Variants in SNTG1 observed in about 807,000 individuals in gnomAD.
SNTG1 encodes the protein gamma-1-syntrophin.
Under a neutral mutation model 74.7 loss-of-function variants are expected in SNTG1, and 39 were observed. That is an observed-to-expected ratio of 0.52 (90% CI 0.40 to 0.68). SNTG1 has a LOEUF of 0.68. Among genes scored for constraint, SNTG1 ranks in the 30% least tolerant of loss-of-function variants. SNTG1 has a pLI of 0.00. For missense variants in SNTG1, 685 were observed against 609.5 expected (o/e 1.12, Z -1.30); for synonymous variants, 254 against 217.1 (o/e 1.17, Z -1.49).
intron 13 of SNTG1, among the ~76,000 whole-genome samples, chr8:50,591,192 T>A (rs2094689734): frequency 6.6e-6 from 1 of 152,078 alleles, no homozygotes; most frequent in Admixed American, 6.6e-5. Context: ...GAACTTAGAG[T>A]TTTATTTACA....
intron 15 of SNTG1, among the ~76,000 whole-genome samples, chr8:50,690,260 T>C (rs1033154252): frequency 1.6e-4 from 25 of 152,222 alleles, no homozygotes; most frequent in Non-Finnish European, 3.1e-4. Flanking sequence ...AGTTCTGCTC[T>C]GATCTTAGTT....
intron 2 of SNTG1, among the ~76,000 whole-genome samples, chr8:50,205,121 T>A (rs1300246816): frequency 6.6e-6 from 1 of 152,200 alleles, no homozygotes; most frequent in Non-Finnish European, 1.5e-5. Context: ...TATTTCTAGT[T>A]CTAGATCCTT....
At chr8:50,443,257 T>G (rs2131590455) in intron 5 of SNTG1, among the ~76,000 whole-genome samples, 1 of 152,322 alleles carries the variant, frequency 6.6e-6, no homozygotes, top group South Asian at 2.1e-4. Context: ...TATTAAATTA[T>G]ACTTCTGTTC....
intron 15 of SNTG1, among the ~76,000 whole-genome samples, chr8:50,671,056 A>C (rs2095279451): frequency 6.6e-6 from 1 of 151,564 alleles, no homozygotes; most frequent in Non-Finnish European, 1.5e-5. Flanking sequence ...GATGGATTAA[A>C]GACTTAAATG....
intron 1 of SNTG1, among the ~76,000 whole-genome samples, chr8:50,056,728 A>G (rs1820054209): frequency 6.6e-6 from 1 of 152,224 alleles, no homozygotes; most frequent in South Asian, 2.1e-4. Flanking sequence ...GCAAAGCACC[A>G]TCAGTGTTAG....
intron 4 of SNTG1, among the ~76,000 whole-genome samples, chr8:50,408,646 G>T (rs572410731): frequency 6.6e-6 from 1 of 152,276 alleles, no homozygotes; most frequent in African/African-American, 2.4e-5. Context: ...GAGGGAGAGG[G>T]CACAGAACTG....
chr8:50,051,831 T>A (rs1819601802), intron 1 of SNTG1, among the ~76,000 whole-genome samples: 1 of 152,222 alleles, frequency 6.6e-6, no homozygotes, highest in Non-Finnish European at 1.5e-5. Flanking sequence ...AGATTAGGAC[T>A]TCAACCTACT....
intron 1 of SNTG1, among the ~76,000 whole-genome samples, chr8:50,160,011 T>A (rs990197449): frequency 6.6e-6 from 1 of 152,196 alleles, no homozygotes; most frequent in African/African-American, 2.4e-5. Context: ...GGAGAAATTT[T>A]AATTCAGAAC....
chr8:50,530,282 C>G, intron 10 of SNTG1, 23 bp downstream of exon 10: 2 of 1,606,992 alleles, frequency 1.2e-6, no homozygotes, highest in Admixed American at 1.7e-5. Flanking sequence ...AGGCATAGCT[C>G]AGATTAATAA....
chr8:50,257,761 T>C (rs1474962574), intron 2 of SNTG1, among the ~76,000 whole-genome samples: 1 of 152,188 alleles, frequency 6.6e-6, no homozygotes, highest in Non-Finnish European at 1.5e-5. Context: ...CCCTCTTCAG[T>C]TAAGAGCAAG....
chr8:50,621,446 T>G (rs1284402448), intron 13 of SNTG1, among the ~76,000 whole-genome samples: 2 of 152,204 alleles, frequency 1.3e-5, no homozygotes, highest in Non-Finnish European at 2.9e-5. Context: ...TAATATTTTG[T>G]TCAGACAAAT....
intron 2 of SNTG1, among the ~76,000 whole-genome samples, chr8:50,316,747 T>A (rs888207313): frequency 2.6e-5 from 4 of 152,114 alleles, no homozygotes; most frequent in African/African-American, 7.2e-5. Context: ...TGTACATAGA[T>A]AATACAATGA....
At chr8:50,781,311 G>T (rs1418859383) in intron 18 of SNTG1, among the ~76,000 whole-genome samples, 3 of 152,228 alleles carry the variant, frequency 2.0e-5, no homozygotes, top group Non-Finnish European at 4.4e-5. Context: ...GGGTGTTAAA[G>T]TCTCCCATTA....
intron 1 of SNTG1, among the ~76,000 whole-genome samples, chr8:50,076,424 T>A (rs988353335): frequency 2.6e-5 from 4 of 152,184 alleles, no homozygotes; most frequent in Non-Finnish European, 4.4e-5. Context: ...ATGCAATGAA[T>A]TGGTCCAGAA....
At chr8:50,404,716 A>G (rs1241433189) in intron 4 of SNTG1, among the ~76,000 whole-genome samples, 5 of 151,988 alleles carry the variant, frequency 3.3e-5, no homozygotes, top group Non-Finnish European at 7.4e-5. Flanking sequence ...CATTTCGTGC[A>G]TTCATTTTGT....
chr8:50,014,352 C>T (rs1288095062), intron 1 of SNTG1, among the ~76,000 whole-genome samples: 1 of 151,996 alleles, frequency 6.6e-6, no homozygotes, highest in Non-Finnish European at 1.5e-5. Context: ...ATTACAGAAA[C>T]AATAGAAAAC....
intron 1 of SNTG1, among the ~76,000 whole-genome samples, chr8:49,935,522 C>CAA (rs1563366811): frequency 3.3e-5 from 4 of 119,498 alleles, no homozygotes; most frequent in African/African-American, 1.4e-4. Flanking sequence ...GAGATGTAAA[C>CAA]CAAAAAAAAA....
intron 2 of SNTG1, among the ~76,000 whole-genome samples, chr8:50,200,030 T>C (rs1159485022): frequency 6.6e-6 from 1 of 152,144 alleles, no homozygotes; most frequent in Admixed American, 6.6e-5. Flanking sequence ...GTCTGAATAA[T>C]ATAAATGCTT....
intron 2 of SNTG1, among the ~76,000 whole-genome samples, chr8:50,186,228 A>C (rs1311498981): frequency 6.6e-6 from 1 of 151,850 alleles, no homozygotes; most frequent in African/African-American, 2.4e-5. Context: ...TATGTGCCAC[A>C]TTTTCTTTAT....
Sources: gnomAD v4.1 joint callset for allele counts (sites outside exome capture counted in the v4.1 genomes callset) on GRCh38, gnomAD v4.1.1 for gene constraint, MANE v1.5 for transcripts, NCBI Gene and HGNC (gene_info 2026-07-23, HGNC 2026-07-21) for gene names.